The following NPAS2 variants were observed in gnomAD, a reference collection of about 807,000 sequenced individuals.
NPAS2 encodes neuronal PAS domain protein 2, also known as neuronal PAS domain-containing protein 2.
A neutral mutation model predicts 107.5 loss-of-function variants in NPAS2; 23 were observed. That is an observed-to-expected ratio of 0.21 (90% CI 0.15 to 0.30). The LOEUF is 0.30. NPAS2 is among the 10% of genes least tolerant of loss of function. NPAS2 has a pLI of 1.00. For missense variants in NPAS2, 756 were observed against 1,043.3 expected (o/e 0.72, Z 3.79); for synonymous variants, 403 against 417.5 (o/e 0.97, Z 0.42).
rs1409208647 is a variant in NPAS2, at chr2:100,982,293, C to T, written c.1545C>T (p.Ile515=). The part of the protein sequence containing the change: ...IKDQLEQRTR[I]LQANIRWQQE... ...ACCAGCTAGAGCAGCGGACGCGGAT[C>T]CTGCAGGCCAATATCCGGTGGCAAC... Residue 515 remains isoleucine (I), a synonymous_variant, in exon 16 of 21, where the codon ATC becomes ATT. Transcript: ENST00000335681. 3.1e-6 allele frequency: 5 copies of T among 1,614,202 alleles called. No individual in the cohort carries two copies. The highest frequency in any genetic ancestry group is 8.5e-7 in the Non-Finnish European group (1 of 1,180,018).
intron 1 of NPAS2, chr2:100,878,242 A>G (rs1018083604): frequency 8.1e-6 from 8 of 985,302 alleles, no homozygotes; most frequent in South Asian, 4.7e-5. Flanking sequence ...AGGCAAAAAA[A>G]TATAGAGGAC....
At chr2:100,900,224 G>A (rs1334387861) in intron 1 of NPAS2, among the ~76,000 whole-genome samples, 3 of 152,164 alleles carry the variant, frequency 2.0e-5, no homozygotes, top group African/African-American at 7.2e-5. Context: ...GTACCTGGTA[G>A]AGATAAACTT....
At chr2:100,901,946 C>T (rs533101984) in intron 1 of NPAS2, among the ~76,000 whole-genome samples, 55 of 152,244 alleles carry the variant, frequency 3.6e-4, no homozygotes, top group African/African-American at 1.2e-3. Flanking sequence ...AAAGGCTGTA[C>T]GGCATCCCTC....
At chr2:100,902,274 A>G (rs1681833898) in intron 1 of NPAS2, among the ~76,000 whole-genome samples, 1 of 152,082 alleles carries the variant, frequency 6.6e-6, no homozygotes, top group African/African-American at 2.4e-5. Flanking sequence ...CTAAAACGCA[A>G]GGGGGGATGG....
intron 3 of NPAS2, among the ~76,000 whole-genome samples, chr2:100,926,501 T>C (rs1483441591): frequency 1.3e-5 from 2 of 152,242 alleles, no homozygotes; most frequent in Non-Finnish European, 2.9e-5. Flanking sequence ...TGAAGTGATA[T>C]CTTATGTGAC....
intron 7 of NPAS2, among the ~76,000 whole-genome samples, chr2:100,952,228 G>C (rs929240081): frequency 1.3e-5 from 2 of 151,212 alleles, no homozygotes; most frequent in East Asian, 3.9e-4. Context: ...CAGTGGCCTC[G>C]TGCACAGAGG....
intron 17 of NPAS2, chr2:100,988,597 G>C: frequency 5.5e-6 from 2 of 365,966 alleles, no homozygotes; most frequent in Non-Finnish European, 1.0e-5. Context: ...GGCCATCCCA[G>C]AGACCCACTG....
At chr2:100,856,694 ATG>A (rs1206338225) in intron 1 of NPAS2, among the ~76,000 whole-genome samples, 3 of 105,698 alleles carry the variant, frequency 2.8e-5, no homozygotes, top group African/African-American at 3.7e-5. Context: ...TGTAGAGAGA[ATG>A]TGTGTATGGG....
chr2:100,819,201 A>G (rs961841550), upstream of NPAS2, among the ~76,000 whole-genome samples: 3 of 151,774 alleles, frequency 2.0e-5, no homozygotes, highest in African/African-American at 7.3e-5. The surrounding 1 kb of genome is among the most constrained non-coding windows in gnomAD (Gnocchi z 5.8). Flanking sequence ...GGTCAGTGGA[A>G]CATTTCCTGC....
intron 1 of NPAS2, among the ~76,000 whole-genome samples, chr2:100,849,507 G>A (rs1373708394): frequency 6.6e-6 from 1 of 152,074 alleles, no homozygotes; most frequent in Non-Finnish European, 1.5e-5. Context: ...AGAACTCCAG[G>A]TAGATCATTC....
chr2:100,977,735 G>A lies in NPAS2; in HGVS notation c.1418G>A (p.Cys473Tyr). ...MPAPLPSPSSCDLTQQLLPQT... is the reference protein window; with the variant it reads ...MPAPLPSPSSYDLTQQLLPQT... ...GCCCCTCTGCCTTCCCCATCGTCCT[G>A]CGACCTCACACAGCAGCTCCTGCCT... The change falls in exon 15 of 21, where the codon TGC (cysteine) becomes TAC (tyrosine). Residue 473 changes from cysteine to tyrosine, a missense_variant. By Grantham distance (194) the Cys-to-Tyr change is radical. Coordinates refer to ENST00000335681, the MANE Select transcript of NPAS2 (RefSeq NM_002518.4). 1 of 1,614,164 alleles carries A rather than the reference G, an allele frequency of 6.2e-7. No individual in the cohort carries two copies. Among genetic ancestry groups the A allele is most frequent in the South Asian group, 1.1e-5 (1 of 91,082 alleles).
intron 1 of NPAS2, among the ~76,000 whole-genome samples, chr2:100,848,069 A>G (rs1436378853): frequency 6.6e-6 from 1 of 152,180 alleles, no homozygotes; most frequent in Non-Finnish European, 1.5e-5. Flanking sequence ...TTAGAAGTGG[A>G]TGTTTTCAAG....
chr2:100,904,231 A>G (rs963555380), intron 1 of NPAS2, among the ~76,000 whole-genome samples: 1 of 152,126 alleles, frequency 6.6e-6, no homozygotes, highest in Non-Finnish European at 1.5e-5. Flanking sequence ...TGGTGTCGCT[A>G]ACGGATCCCA....
At chr2:100,938,385 T>TG (rs1684469166) in intron 5 of NPAS2, among the ~76,000 whole-genome samples, 1 of 151,766 alleles carries the variant, frequency 6.6e-6, no homozygotes, top group African/African-American at 2.4e-5. Flanking sequence ...CCTTGGGGAG[T>TG]GAGGAGTGTC....
chr2:100,937,698 A>G (rs1046579158), intron 4 of NPAS2, 55 bp from the exon 5 acceptor site: 6 of 1,225,024 alleles, frequency 4.9e-6, no homozygotes, highest in Non-Finnish European at 6.1e-6. Context: ...CATCAGTGAC[A>G]TGCTCCTCCA....
intron 1 of NPAS2, among the ~76,000 whole-genome samples, chr2:100,895,040 T>G (rs1017164040): frequency 2.0e-5 from 3 of 152,230 alleles, no homozygotes; most frequent in African/African-American, 4.8e-5. Flanking sequence ...AAGGGTACTG[T>G]ATACAGTTAT....
chr2:100,910,430 T>C (rs1237887737), intron 2 of NPAS2, among the ~76,000 whole-genome samples: 1 of 152,100 alleles, frequency 6.6e-6, no homozygotes, highest in Non-Finnish European at 1.5e-5. Context: ...GCTAAGTCTC[T>C]GCAATAGTTC....
chr2:100,878,014 C>T, intron 1 of NPAS2: 1 of 985,400 alleles, frequency 1.0e-6, no homozygotes, highest in Non-Finnish European at 1.2e-6. Context: ...TGTGGTATAG[C>T]TAATACCAGA....
At position 100,995,073 on chromosome 2, in the gene NPAS2, A is replaced by G. The variant is rs1369797186; in HGVS notation, c.2293-327A>G. On this transcript the variant is annotated intron_variant, in intron 20 of 20. Transcript: ENST00000335681. ...ATGTGGCCTCAGGTTCCATCATCCA[A>G]AAACATTGTGGCTACATGTAGATCA... 18 of 313,172 alleles carry G rather than the reference A, an allele frequency of 5.7e-5. No homozygotes were observed. In the East Asian group the frequency reaches 8.9e-4, roughly 15 times the overall value. 19.4% of individuals were successfully genotyped at this position (313,172 alleles called of 1,614,324 possible).
Sources: allele counts gnomAD v4.1 joint callset (sites outside exome capture counted in the v4.1 genomes callset), GRCh38; gene constraint gnomAD v4.1.1; non-coding constraint Gnocchi (gnomAD v3.1); transcripts MANE v1.5; gene names NCBI Gene and HGNC (gene_info 2026-07-23, HGNC 2026-07-21).